RASAL3: variants seen among roughly 807,000 people sequenced by gnomAD.
RASAL3 encodes the protein RAS protein activator like 3.
Under a neutral mutation model 105.5 loss-of-function variants are expected in RASAL3, and 74 were observed. The ratio of observed to expected loss-of-function variants is 0.70; its 90% CI spans 0.58 to 0.85. RASAL3 has a LOEUF of 0.85. RASAL3 is among the 40% of genes least tolerant of loss of function. The pLI is 0.00. For missense variants in RASAL3, 1,352 were observed against 1,392.0 expected, an observed-to-expected ratio of 0.97 and a Z score of 0.46; for synonymous variants, 579 against 591.6, an observed-to-expected ratio of 0.98 and a Z score of 0.31.
chr19:15,463,662 A>T (rs1040555971), intron 2 of RASAL3, among the ~76,000 whole-genome samples: 1 of 152,178 alleles, frequency 6.6e-6, no homozygotes, highest in Admixed American at 6.5e-5. Flanking sequence ...AAAGACACGG[A>T]AGCTAGAAGG....
chr19:15,453,506 G>A lies in RASAL3; in HGVS notation c.2280-9C>T. ...TCTCCCCTGCGGAGAGGCTAGGGGT[G>A]GGATGGAGGATCTTAGACCCTCCAC... On this transcript the variant is annotated splice_polypyrimidine_tract_variant and intron_variant, in intron 14 of 17. Transcript: ENST00000343625. This position sits in a 1 kb window ranked among gnomAD's most constrained non-coding sequence, Gnocchi z 4.2. 1 of 1,514,236 alleles carries A rather than the reference G, an allele frequency of 6.6e-7. No homozygotes were observed. Among genetic ancestry groups the A allele is most frequent in the Non-Finnish European group, 8.8e-7 (1 of 1,140,136 alleles). The allele number at this position is 1,514,236 out of a possible 1,614,324, so 93.8% of individuals were successfully genotyped here. A position where few individuals can be genotyped will look rare whatever the true frequency, so the allele number is the denominator to read the frequency against.
At chr19:15,452,619 C>T in intron 16 of RASAL3, 39 bp downstream of exon 16, 1 of 1,466,726 alleles carries the variant, frequency 6.8e-7, no homozygotes, top group African/African-American at 1.4e-5. Flanking sequence ...TGGATCGGGC[C>T]CACCTGGGGG....
At position 15,456,073 on chromosome 19, in the gene RASAL3, T is replaced by G. The variant is rs374507709; in HGVS notation, c.1721+31A>C. On this transcript the variant is annotated intron_variant, in intron 11 of 17. Transcript: ENST00000343625. This position sits in a 1 kb window ranked among gnomAD's most constrained non-coding sequence, Gnocchi z 4.4. ...TCGGGGCTAGCATGGTAAGCAGGGG[T>G]GGGCTAAGCTGCTGGGGCCCTGATT... 6 of 1,605,744 alleles carry G rather than the reference T, an allele frequency of 3.7e-6. No individual in the cohort carries two copies. The African/African-American group carries it at 6.7e-5, about 18-fold the overall frequency.
At chr19:15,452,135 A>T in intron 16 of RASAL3, 27 bp from the exon 17 acceptor site, 1 of 1,612,856 alleles carries the variant, frequency 6.2e-7, no homozygotes, top group East Asian at 2.2e-5. Flanking sequence ...ATTGGGGCGA[A>T]GGGCAGAGGC....
chr19:15,454,511 T>G lies in RASAL3; in HGVS notation c.2010A>C (p.Glu670Asp). Reference protein sequence around the residue: ...YMGFMNSFLEEHGPAMQCFLD... With the variant: ...YMGFMNSFLEDHGPAMQCFLD... ...GGAAGCATTGCATGGCTGGTCCATG[T>G]TCCTCCAGGAAGCTATTCATGAAGC... The change falls in exon 13 of 18, where the codon GAA (glutamate) becomes GAC (aspartate). Residue 670 changes from glutamate to aspartate, a missense_variant. By Grantham distance (45) the Glu-to-Asp change is conservative. Coordinates refer to ENST00000343625, the MANE Select transcript of RASAL3 (RefSeq NM_022904.3). 6.2e-7 allele frequency: 1 copy of G among 1,613,964 alleles called. No homozygotes were observed. Among genetic ancestry groups the G allele is most frequent in the African/African-American group, 1.3e-5 (1 of 75,030 alleles).
chr19:15,461,588 C>A lies in RASAL3; in HGVS notation c.348G>T (p.Glu116Asp). 6.5e-7 allele frequency: 1 copy of A among 1,532,146 alleles called. No individual in the cohort carries two copies. Among genetic ancestry groups the A allele is most frequent in the Non-Finnish European group, 8.7e-7 (1 of 1,145,296 alleles). The allele number at this position is 1,532,146 out of a possible 1,614,324, so 94.9% of individuals were successfully genotyped here. A position where few individuals can be genotyped will look rare whatever the true frequency, so the allele number is the denominator to read the frequency against. The change falls in exon 3 of 18, where the codon GAG becomes GAT. Residue 116 changes from glutamate (E) to aspartate (D), a missense_variant. Transcript: ENST00000343625. The stretch of plus-strand genomic sequence containing the variant: ...GGATCTGTGGGGTAGGGGGCTCCAG[C>A]TCTGGCTCCGGCTCCAGCTCTGGGA... Reference protein sequence around the residue: ...QEAPELEPEPELEPPTPQIPE... With the variant: ...QEAPELEPEPDLEPPTPQIPE...
In RASAL3 at chr19:15,453,237, G is replaced by A. The variant is rs780006940; in HGVS notation, c.2540C>T (p.Ala847Val). Reference protein sequence around the residue: ...RPKGSLSMGPAPRARPWTRDS... With the variant: ...RPKGSLSMGPVPRARPWTRDS... ...CCGGGTCCAAGGCCGGGCGCGGGGC[G>A]CTGGTCCCATGCTCAGGGAGCCTTT... The change falls in exon 15 of 18, where the codon GCG becomes GTG. Residue 847 changes from alanine to valine, a missense_variant. By Grantham distance (64) the Ala-to-Val change is moderately conservative. This residue lies in a region of RASAL3 where 920 missense variants were observed against 919.6 expected (regional missense o/e 1.00). Transcript: ENST00000343625. This position sits in a 1 kb window ranked among gnomAD's most constrained non-coding sequence, Gnocchi z 4.2. 47 of 1,594,574 alleles carry A rather than the reference G, an allele frequency of 2.9e-5. No individual in the cohort carries two copies. Among genetic ancestry groups the A allele is most frequent in the African/African-American group, 8.1e-5 (6 of 74,514 alleles).
In RASAL3 at chr19:15,456,848, G is replaced by A; in HGVS notation, c.1432-202C>T. 2 of 650,598 alleles carry A rather than the reference G, an allele frequency of 3.1e-6. No homozygotes were observed. The highest frequency in any genetic ancestry group is 5.2e-6 in the Non-Finnish European group (2 of 384,658). 40.3% of individuals were successfully genotyped at this position (650,598 alleles called of 1,614,324 possible). A position where few individuals can be genotyped will look rare whatever the true frequency, so the allele number is the denominator to read the frequency against. ...GAAATTTAAGCCTTTCAGCGCTGAG[G>A]TGCAACCTGGGCCCCGCCCCTCACG... On this transcript the variant is annotated intron_variant, in intron 9 of 17. Transcript: ENST00000343625. This position sits in a 1 kb window ranked among gnomAD's most constrained non-coding sequence, Gnocchi z 4.4.
intron 2 of RASAL3, among the ~76,000 whole-genome samples, chr19:15,463,066 T>C (rs953790603): frequency 1.6e-4 from 25 of 151,870 alleles, no homozygotes; most frequent in Admixed American, 3.9e-4. Context: ...GCACCATCTG[T>C]CATTTTTTTT....
At chr19:15,462,463 G>T (rs1970539543) in intron 2 of RASAL3, among the ~76,000 whole-genome samples, 1 of 150,502 alleles carries the variant, frequency 6.6e-6, no homozygotes, top group Non-Finnish European at 1.5e-5. Flanking sequence ...TCCAGCCTGG[G>T]CAAGGAAGTG....
At position 15,453,310 on chromosome 19, in the gene RASAL3, G is replaced by A. The variant is rs1040815750; in HGVS notation, c.2467C>T (p.Arg823Trp). 58 of 1,485,384 alleles carry A rather than the reference G, an allele frequency of 3.9e-5. No individual in the cohort carries two copies. The African/African-American group carries it at 6.5e-4, about 17-fold the overall frequency. The allele number at this position is 1,485,384 out of a possible 1,614,324, so 92.0% of individuals were successfully genotyped here. A position where few individuals can be genotyped will look rare whatever the true frequency, so the allele number is the denominator to read the frequency against. Residue 823 changes from arginine to tryptophan, a missense_variant, in exon 15 of 18, where the codon CGG becomes TGG. Physicochemically the swap from Arg to Trp is moderately radical, Grantham distance 101. Transcript: ENST00000343625. The surrounding 1 kb of genome is among the most constrained non-coding windows in gnomAD (Gnocchi z 4.2). ...PVQRTQSVPV[R>W]RPARRRQSAG... is the part of the protein sequence containing the mutation. Reference sequence around the variant, plus strand: ...GATTGGCGGCGGCGGGCAGGACGCCGGACCGGGACACTCTGCGTGCGCTGC... The same window carrying A: ...GATTGGCGGCGGCGGGCAGGACGCCAGACCGGGACACTCTGCGTGCGCTGC...
chr19:15,464,318 G>A lies in RASAL3; in HGVS notation c.41C>T (p.Pro14Leu). The change falls in exon 2 of 18, where the codon CCC becomes CTC. Residue 14 changes from proline to leucine, a missense_variant. Transcript: ENST00000343625. ...PSPSRTSQTQ[P>L]TATSPLTSYR... ...GGAAGTCAGCGGAGAGGTGGCTGTGGGCTGGGTTTGGGAGGTCCGGCTTGG... is the reference window on the plus strand; with the variant it reads ...GGAAGTCAGCGGAGAGGTGGCTGTGAGCTGGGTTTGGGAGGTCCGGCTTGG... 1 of 1,611,480 alleles carries A rather than the reference G, an allele frequency of 6.2e-7. No homozygotes were observed. Among genetic ancestry groups the A allele is most frequent in the African/African-American group, 1.3e-5 (1 of 74,652 alleles).
chr19:15,454,969 C>G (rs952227598), intron 11 of RASAL3, 76 bp from the exon 12 acceptor site: 90 of 1,100,260 alleles, frequency 8.2e-5, no homozygotes, highest in Non-Finnish European at 1.0e-4. Context: ...GGTTGGGAGT[C>G]CCAGAAGCAC....
At chr19:15,461,684 C>T in intron 2 of RASAL3, 77 bp from the exon 3 acceptor site, 1 of 1,428,240 alleles carries the variant, frequency 7.0e-7, no homozygotes, top group Non-Finnish European at 9.1e-7. Context: ...TTCCCGAAGG[C>T]TCATGGTGGG....
chr19:15,452,518 C>G, intron 16 of RASAL3, 140 bp downstream of exon 16: 1 of 770,768 alleles, frequency 1.3e-6, no homozygotes, highest in Non-Finnish European at 2.0e-6. Context: ...GAGGCAGGGC[C>G]TGGACAGACT....
Position 15,456,812 on chromosome 19 carries a change from C to A in RASAL3, c.1432-166G>T. 3.6e-6 allele frequency: 3 copies of A among 824,932 alleles called. No individual in the cohort carries two copies. The highest frequency in any genetic ancestry group is 5.6e-6 in the Non-Finnish European group (3 of 539,516). 51.1% of individuals were successfully genotyped at this position (824,932 alleles called of 1,614,324 possible). ...TCATAACCGAGGCCGGAACCTCTAA[C>A]CCTCACAGCAGAAATTTAAGCCTTT... is the stretch of plus-strand genomic sequence containing the variant. On this transcript the variant is annotated intron_variant, in intron 9 of 17. Coordinates refer to ENST00000343625, the MANE Select transcript of RASAL3 (RefSeq NM_022904.3). This position sits in a 1 kb window ranked among gnomAD's most constrained non-coding sequence, Gnocchi z 4.4.
chr19:15,451,866 GAGA>G lies in RASAL3; in HGVS notation c.2962_2964del (p.Ser988del). The G allele has an allele frequency of 6.2e-7, 1 of 1,609,168 alleles. No homozygotes were observed. Among genetic ancestry groups the G allele is most frequent in the South Asian group, 1.1e-5 (1 of 90,980 alleles). On this transcript the variant is annotated inframe_deletion, in exon 18 of 18. Transcript: ENST00000343625. ...TGACTCCAAGACCCCCGCGTCCTTGGAGAAAGCTGCAGGCTCTGGACAGCATCC... is the reference window on the plus strand; with the variant it reads ...TGACTCCAAGACCCCCGCGTCCTTGGAAGCTGCAGGCTCTGGACAGCATCC...
At position 15,461,290 on chromosome 19, in the gene RASAL3, G is replaced by A. The variant is rs756096492; in HGVS notation, c.472C>T (p.Arg158Ter). 9 of 1,613,136 alleles carry A rather than the reference G, an allele frequency of 5.6e-6. No individual in the cohort carries two copies. The highest frequency in any genetic ancestry group is 2.7e-5 in the African/African-American group (2 of 74,970). Residue 158 changes from arginine (R) to a stop codon, truncating the protein, a stop_gained, in exon 4 of 18, where the codon CGA becomes TGA. Coordinates refer to ENST00000343625, the MANE Select transcript of RASAL3 (RefSeq NM_022904.3). LOFTEE classifies it high-confidence loss of function. ...CTAGCACTTCCCACCCGGGGCCTTCGAGGACCCTGTTCTCCCGCAGGAGTG... is the reference window on the plus strand; with the variant it reads ...CTAGCACTTCCCACCCGGGGCCTTCAAGGACCCTGTTCTCCCGCAGGAGTG... ...VLLGGEEEGP[R>*]RPRVGSASSE...
chr19:15,455,944 C>T (rs1970300941), intron 11 of RASAL3, among the ~76,000 whole-genome samples, 160 bp downstream of exon 11: 1 of 152,136 alleles, frequency 6.6e-6, no homozygotes, highest in African/African-American at 2.4e-5. Context: ...AGTCACCATG[C>T]CTGGTTCAAA....
Sources: allele counts gnomAD v4.1 joint callset (sites outside exome capture counted in the v4.1 genomes callset), GRCh38; gene constraint gnomAD v4.1.1; regional missense constraint gnomAD v4.1.1; non-coding constraint Gnocchi (gnomAD v3.1); transcripts MANE v1.5; gene names NCBI Gene and HGNC (gene_info 2026-07-23, HGNC 2026-07-21).